SLC22A2: variants seen among roughly 807,000 people sequenced by gnomAD.
The protein encoded by SLC22A2 is organic cation transporter 2.
In SLC22A2, 46 loss-of-function variants were observed where a neutral mutation model predicts 60.5. The ratio of observed to expected loss-of-function variants is 0.76; its 90% CI spans 0.60 to 0.97. SLC22A2 has a LOEUF of 0.97. Ranked by LOEUF, SLC22A2 falls within the 50% of genes least tolerant of loss-of-function variation. SLC22A2 has a pLI of 0.00. For missense variants in SLC22A2, 701 were observed against 706.6 expected, an observed-to-expected ratio of 0.99 and a Z score of 0.09; for synonymous variants, 303 against 267.0, an observed-to-expected ratio of 1.13 and a Z score of -1.31.
intron 10 of SLC22A2, chr6:160,218,292 C>CAAT (rs201916778): frequency 0.046 from 9,039 of 196,336 alleles, 227 homozygotes; most frequent in African/African-American, 0.1. Flanking sequence ...CTGCCAACAA[C>CAAT]AATAACAACA....
chr6:160,258,354 A>C lies in SLC22A2; in HGVS notation c.404T>G (p.Ile135Ser), dbSNP rs779159410. The C allele has an allele frequency of 4.4e-6, 7 of 1,608,700 alleles. No individual in the cohort carries two copies. Among genetic ancestry groups the C allele is most frequent in the Non-Finnish European group, 5.9e-6 (7 of 1,177,528 alleles). The change falls in exon 1 of 11, where the codon ATC (isoleucine) becomes AGC (serine). Residue 135 changes from isoleucine to serine, a missense_variant. Physicochemically the swap from Ile to Ser is moderately radical, Grantham distance 142. Transcript: ENST00000366953. The part of the protein sequence containing the change: ...GWVYETPGSS[I>S]VTEFNLVCAN... Reference sequence around the variant, plus strand: ...AGCTCACTCTCTTACCTCGGTGACGATGGACGAGCCAGGCGTCTCGTACAC... The same window carrying C: ...AGCTCACTCTCTTACCTCGGTGACGCTGGACGAGCCAGGCGTCTCGTACAC...
chr6:160,228,437 TG>T (rs1350844774), intron 9 of SLC22A2, among the ~76,000 whole-genome samples: 9 of 152,130 alleles, frequency 5.9e-5, no homozygotes. Context: ...TGACTGAACT[TG>T]GGTTTGAGGA....
At chr6:160,227,823 A>C (rs1782747591) in intron 9 of SLC22A2, among the ~76,000 whole-genome samples, 1 of 152,232 alleles carries the variant, frequency 6.6e-6, no homozygotes, top group Admixed American at 6.5e-5. Flanking sequence ...CTTGCTGGTC[A>C]AACAGGCTGC....
chr6:160,222,788 G>A (rs367802088), intron 10 of SLC22A2, among the ~76,000 whole-genome samples: 1 of 152,182 alleles, frequency 6.6e-6, no homozygotes, highest in African/African-American at 2.4e-5. Flanking sequence ...AAAGCCAAGC[G>A]ATCATTCAGC....
At chr6:160,240,384 T>C (rs1782980113) in intron 9 of SLC22A2, among the ~76,000 whole-genome samples, 1 of 152,200 alleles carries the variant, frequency 6.6e-6, no homozygotes, top group Non-Finnish European at 1.5e-5. Flanking sequence ...TTGTCTTTAT[T>C]CTGTACATTG....
rs1359303853 is a variant in SLC22A2, at chr6:160,243,799, G to A, written c.1065-13C>T. The A allele has an allele frequency of 3.1e-6, 5 of 1,595,806 alleles. No individual in the cohort carries two copies. In the South Asian group the frequency reaches 4.4e-5, roughly 14 times the overall value. On this transcript the variant is annotated splice_polypyrimidine_tract_variant and intron_variant, in intron 6 of 10. Transcript: ENST00000366953. ...AGAGCTCGTGAACCTGAGCAAAGAG[G>A]AGAGTTCAGGTCAAGTCAAGCACCA... is the stretch of plus-strand genomic sequence containing the variant.
chr6:160,236,236 G>C (rs1159774797), intron 9 of SLC22A2, among the ~76,000 whole-genome samples: 2 of 152,166 alleles, frequency 1.3e-5, no homozygotes, highest in Non-Finnish European at 2.9e-5. Flanking sequence ...ATACTTTCAG[G>C]ACTCTCAGGG....
At chr6:160,229,724 C>T (rs878913993) in intron 9 of SLC22A2, among the ~76,000 whole-genome samples, 1 of 151,760 alleles carries the variant, frequency 6.6e-6, no homozygotes, top group Non-Finnish European at 1.5e-5. Context: ...CAACCTTCCA[C>T]CTTCCATTCC....
At chr6:160,220,485 C>T (rs1454236500) in intron 10 of SLC22A2, among the ~76,000 whole-genome samples, 1 of 152,162 alleles carries the variant, frequency 6.6e-6, no homozygotes. Context: ...ATATTTTGAC[C>T]TCCTCTAATG....
chr6:160,229,037 T>A (rs1467010018), intron 9 of SLC22A2, among the ~76,000 whole-genome samples: 2 of 151,908 alleles, frequency 1.3e-5, no homozygotes, highest in Non-Finnish European at 2.9e-5. Flanking sequence ...TCTCTTCACA[T>A]GGACACCAGT....
chr6:160,252,408 T>C (rs895392270), intron 2 of SLC22A2, among the ~76,000 whole-genome samples: 10 of 152,136 alleles, frequency 6.6e-5, no homozygotes, highest in African/African-American at 2.2e-4. Context: ...ATCAAATCCA[T>C]GATGTGGAAA....
chr6:160,235,904 G>A (rs1035656330), intron 9 of SLC22A2, among the ~76,000 whole-genome samples: 1 of 152,106 alleles, frequency 6.6e-6, no homozygotes, highest in Non-Finnish European at 1.5e-5. Context: ...CTGTCTTTGG[G>A]CTCTATTTGT....
chr6:160,228,687 C>G (rs1782767420), intron 9 of SLC22A2, among the ~76,000 whole-genome samples: 1 of 152,130 alleles, frequency 6.6e-6, no homozygotes, highest in African/African-American at 2.4e-5. Flanking sequence ...CCATCATATC[C>G]CCTGTGGCCT....
Position 160,224,740 on chromosome 6 carries a change from C to A in SLC22A2, c.1566G>T (p.Leu522Phe). Residue 522 changes from leucine to phenylalanine, a missense_variant, in exon 10 of 11, where the codon TTG becomes TTT. Coordinates refer to ENST00000366953, the MANE Select transcript of SLC22A2 (RefSeq NM_003058.4). ...LLLPETKGKA[L>F]PETIEEAENM... ...TTTCGGCTTCCTCGATGGTCTCAGG[C>A]AAAGCTTTCCCTTTAGTTTCTGGAA... The A allele has an allele frequency of 1.9e-6, 3 of 1,607,746 alleles. No individual in the cohort carries two copies. The highest frequency in any genetic ancestry group is 2.6e-6 in the Non-Finnish European group (3 of 1,176,420).
intron 9 of SLC22A2, among the ~76,000 whole-genome samples, chr6:160,226,811 GT>G (rs1782732300): frequency 6.6e-6 from 1 of 152,058 alleles, no homozygotes; most frequent in African/African-American, 2.4e-5. Flanking sequence ...AAACTTCAAG[GT>G]TTTTCACCCC....
chr6:160,231,443 T>C (rs190941990), intron 9 of SLC22A2, among the ~76,000 whole-genome samples: 8 of 151,750 alleles, frequency 5.3e-5, no homozygotes, highest in Admixed American at 2.6e-4. Context: ...CCCATTACTA[T>C]CCCATTAAAA....
At position 160,227,468 on chromosome 6, in the gene SLC22A2, T is replaced by C. The variant is rs115672627; in HGVS notation, c.1502-2664A>G. Among the ~76,000 whole-genome samples the C allele has an allele frequency of 7.6e-3, 1,153 of 152,326 alleles. 15 individuals carry two copies. The highest frequency in any genetic ancestry group is 0.026 in the African/African-American group (1,074 of 41,568). On this transcript the variant is annotated intron_variant, in intron 9 of 10. Coordinates refer to ENST00000366953, the MANE Select transcript of SLC22A2 (RefSeq NM_003058.4). Reference sequence around the variant, plus strand: ...CAAACTAATGGATACCTCGCATGTATTGATGGATGGCTTTTGTCTGCTTAA... The same window carrying C: ...CAAACTAATGGATACCTCGCATGTACTGATGGATGGCTTTTGTCTGCTTAA...
In SLC22A2 at chr6:160,250,987, G is replaced by C. The variant is rs189265778; in HGVS notation, c.519-285C>G. On this transcript the variant is annotated intron_variant, in intron 2 of 10. Coordinates refer to ENST00000366953, the MANE Select transcript of SLC22A2 (RefSeq NM_003058.4). Reference sequence around the variant, plus strand: ...ACACTGTGGCAGGTATTCAGGGAAAGAGTAATTCATCCAGGCCATCCTGTG... The same window carrying C: ...ACACTGTGGCAGGTATTCAGGGAAACAGTAATTCATCCAGGCCATCCTGTG... Among the ~76,000 whole-genome samples, 326 of 152,284 alleles carry C rather than the reference G, an allele frequency of 2.1e-3. 2 individuals carry two copies. Among genetic ancestry groups the C allele is most frequent in the Middle Eastern group, 0.02 (6 of 294 alleles).
intron 9 of SLC22A2, among the ~76,000 whole-genome samples, chr6:160,233,789 C>T (rs1782864529): frequency 6.6e-6 from 1 of 151,818 alleles, no homozygotes; most frequent in Admixed American, 6.6e-5. Flanking sequence ...CCACGCTGCC[C>T]CTAATTCCAC....
Sources: allele counts gnomAD v4.1 joint callset (sites outside exome capture counted in the v4.1 genomes callset), GRCh38; gene constraint gnomAD v4.1.1; transcripts MANE v1.5; gene names NCBI Gene and HGNC (gene_info 2026-07-23, HGNC 2026-07-21).